LRBA: variants seen among roughly 807,000 people sequenced by gnomAD.
LRBA encodes LPS responsive beige-like anchor protein, also known as lipopolysaccharide-responsive and beige-like anchor protein.
In LRBA, 176 loss-of-function variants were observed where a neutral mutation model predicts 330.0. That is an observed-to-expected ratio of 0.53 (90% confidence interval 0.47 to 0.60). The LOEUF is 0.60. LRBA is among the 20% of genes least tolerant of loss of function. LRBA has a pLI of 0.00. For missense variants in LRBA, 3,259 were observed against 3,444.8 expected (o/e 0.95, Z 1.35); for synonymous variants, 1,230 against 1,193.0 (o/e 1.03, Z -0.64).
intron 2 of LRBA, among the ~76,000 whole-genome samples, chr4:150,929,932 T>C (rs1330875886): frequency 6.6e-6 from 1 of 152,202 alleles, no homozygotes; most frequent in Non-Finnish European, 1.5e-5. Context: ...TCACCTACGC[T>C]TCTTTCTGAA....
chr4:150,436,592 T>A, intron 45 of LRBA, 132 bp downstream of exon 45: 1 of 655,396 alleles, frequency 1.5e-6, no homozygotes, highest in Non-Finnish European at 2.5e-6. Flanking sequence ...GAGATATTTA[T>A]AATTAGAACT....
intron 44 of LRBA, among the ~76,000 whole-genome samples, chr4:150,452,842 A>G (rs1753554376): frequency 6.6e-6 from 1 of 152,200 alleles, no homozygotes; most frequent in Non-Finnish European, 1.5e-5. Context: ...AAAGGCTGCT[A>G]GTAATAATAA....
At chr4:150,885,932 G>A (rs916329099) in intron 17 of LRBA, among the ~76,000 whole-genome samples, 3 of 151,994 alleles carry the variant, frequency 2.0e-5, no homozygotes, top group Non-Finnish European at 4.4e-5. Context: ...TAGCAAATAT[G>A]CCTTGTAAGA....
intron 30 of LRBA, among the ~76,000 whole-genome samples, chr4:150,820,189 A>C (rs553404664): frequency 6.6e-6 from 1 of 152,184 alleles, no homozygotes; most frequent in African/African-American, 2.4e-5. Context: ...ATTTTAAATA[A>C]AAACCTCAGA....
chr4:150,812,946 C>A (rs1743977192), intron 31 of LRBA, among the ~76,000 whole-genome samples: 1 of 151,862 alleles, frequency 6.6e-6, no homozygotes, highest in Admixed American at 6.6e-5. Flanking sequence ...TCACTTGAAG[C>A]CAGGACTTCA....
At chr4:150,800,291 A>C (rs1741415550) in intron 33 of LRBA, among the ~76,000 whole-genome samples, 1 of 152,220 alleles carries the variant, frequency 6.6e-6, no homozygotes, top group Admixed American at 6.5e-5. Flanking sequence ...TTGCAGGGGC[A>C]GGGTGGAAAG....
intron 47 of LRBA, among the ~76,000 whole-genome samples, chr4:150,351,557 C>T (rs1027261225): frequency 1.8e-4 from 27 of 151,940 alleles, no homozygotes; most frequent in African/African-American, 5.6e-4. Flanking sequence ...GGCGTGGTGG[C>T]GGGCGCCTGT....
intron 40 of LRBA, among the ~76,000 whole-genome samples, chr4:150,538,071 A>G (rs1764875278): frequency 6.6e-6 from 1 of 152,228 alleles, no homozygotes; most frequent in African/African-American, 2.4e-5. Flanking sequence ...AATTCAATTC[A>G]AAACCACAAT....
chr4:150,709,090 T>C (rs1480161541), intron 36 of LRBA, among the ~76,000 whole-genome samples: 1 of 151,856 alleles, frequency 6.6e-6, no homozygotes, highest in African/African-American at 2.4e-5. Flanking sequence ...AATAAACCTT[T>C]TATTAACGTT....
At chr4:150,883,020 G>C (rs1184916531) in intron 17 of LRBA, among the ~76,000 whole-genome samples, 1 of 152,054 alleles carries the variant, frequency 6.6e-6, no homozygotes, top group African/African-American at 2.4e-5. Flanking sequence ...ACACAGTTTG[G>C]CATGCCTATA....
chr4:150,858,367 GTC>G (rs1177882313), intron 22 of LRBA, among the ~76,000 whole-genome samples: 20 of 151,184 alleles, frequency 1.3e-4, no homozygotes, highest in Admixed American at 1.3e-3. Context: ...GCAACAGTCT[GTC>G]TCTCTCTCTT....
intron 37 of LRBA, among the ~76,000 whole-genome samples, chr4:150,607,552 A>C (rs975442432): frequency 1.3e-5 from 2 of 151,478 alleles, no homozygotes; most frequent in African/African-American, 4.9e-5. Context: ...TATTTCTAAT[A>C]GGTAAGTAAT....
At chr4:150,590,408 T>G (rs919395801) in intron 39 of LRBA, among the ~76,000 whole-genome samples, 7 of 152,004 alleles carry the variant, frequency 4.6e-5, no homozygotes, top group African/African-American at 1.7e-4. Flanking sequence ...TAGTCTTACT[T>G]TACAGAGATT....
chr4:150,287,321 C>A lies in LRBA; in HGVS notation c.8018-1287G>T, dbSNP rs565738781. ...TAACCCGGCTTCCAAAGCAAGGGTT[C>A]TTCCAGTAGGTCACTGGGTTATTTG... is the stretch of plus-strand genomic sequence containing the variant. On this transcript the variant is annotated intron_variant, in intron 53 of 56. Coordinates refer to ENST00000651943, the MANE Select transcript of LRBA (RefSeq NM_001364905.1). Among the ~76,000 whole-genome samples the A allele has an allele frequency of 2.0e-4, 30 of 152,352 alleles. No individual in the cohort carries two copies. The South Asian group carries it at 6.0e-3, about 31-fold the overall frequency.
intron 44 of LRBA, among the ~76,000 whole-genome samples, chr4:150,461,228 T>A (rs781018944): frequency 9.2e-5 from 14 of 151,768 alleles, no homozygotes; most frequent in African/African-American, 2.9e-4. Context: ...ATAAATAACA[T>A]TAAAACAGAA....
chr4:150,893,022 C>A, intron 17 of LRBA, 30 bp downstream of exon 17: 1 of 1,306,396 alleles, frequency 7.7e-7, no homozygotes, highest in Non-Finnish European at 1.1e-6. Context: ...CAAACTAATC[C>A]CTTATATGAA....
chr4:150,846,955 A>C (rs534089315), intron 26 of LRBA, among the ~76,000 whole-genome samples: 6 of 152,196 alleles, frequency 3.9e-5, no homozygotes, highest in African/African-American at 1.4e-4. Context: ...AGGCTTTGCT[A>C]GTATAGCCTT....
At chr4:150,355,665 A>C (rs1221124140) in intron 47 of LRBA, among the ~76,000 whole-genome samples, 3 of 152,076 alleles carry the variant, frequency 2.0e-5, no homozygotes, top group Non-Finnish European at 4.4e-5. Context: ...TGTAAGTTTC[A>C]AATGAGAAAA....
At chr4:150,797,855 T>C (rs1306418799) in intron 34 of LRBA, among the ~76,000 whole-genome samples, 5 of 152,144 alleles carry the variant, frequency 3.3e-5, no homozygotes, top group African/African-American at 1.2e-4. Context: ...TTAAAGTGAC[T>C]CTAAAAACTT....
Sources: gnomAD v4.1 joint callset for allele counts (sites outside exome capture counted in the v4.1 genomes callset) on GRCh38, gnomAD v4.1.1 for gene constraint, MANE v1.5 for transcripts, NCBI Gene and HGNC (gene_info 2026-07-23, HGNC 2026-07-21) for gene names.